The following EML6 variants were observed in gnomAD, a reference collection of about 807,000 sequenced individuals.
EML6 encodes EMAP like 6.
In EML6, 154 loss-of-function variants were observed where a neutral mutation model predicts 240.1. The observed-to-expected ratio is 0.64, with a 90% CI of 0.56 to 0.73. The LOEUF is 0.73. Among genes scored for constraint, EML6 ranks in the 30% least tolerant of loss-of-function variants. EML6 has a pLI of 0.00. For synonymous variants in EML6, 1,148 were observed against 899.0 expected (o/e 1.28, Z -4.95); for missense variants, 2,964 against 2,474.6 (o/e 1.20, Z -4.20).
At chr2:54,962,962 T>G (rs1049597266) in intron 36 of EML6, among the ~76,000 whole-genome samples, 4 of 152,220 alleles carry the variant, frequency 2.6e-5, no homozygotes, top group African/African-American at 7.2e-5. Context: ...AATCATGTTT[T>G]CCCTGGATGA....
At chr2:54,866,726 T>C (rs959682090) in intron 13 of EML6, 40 bp from the exon 14 acceptor site, 2 of 1,222,524 alleles carry the variant, frequency 1.6e-6, no homozygotes, top group African/African-American at 3.0e-5. Flanking sequence ...TGGAACCTGA[T>C]GAAAGGCATC....
In EML6 at chr2:54,771,082, T is replaced by C. The variant is rs566378144; in HGVS notation, c.198-42150T>C. 2.8e-4 allele frequency among the ~76,000 whole-genome samples: 42 copies of C among 152,270 alleles called. No individual in the cohort carries two copies. In the South Asian group the frequency reaches 8.5e-3, roughly 31 times the overall value. ...TGACAATGTCAAGTGGGCAGTTAGA[T>C]GCATGAGTCTTGAGCTCAGTGGCAG... is the stretch of plus-strand genomic sequence containing the variant. On this transcript the variant is annotated intron_variant, in intron 2 of 41. Coordinates refer to ENST00000356458, the MANE Select transcript of EML6 (RefSeq NM_001039753.4).
rs372865367 is a variant in EML6 at position 54,824,399 on chromosome 2, T to A, written c.526-3167T>A. On this transcript the variant is annotated intron_variant, in intron 5 of 41. Coordinates refer to ENST00000356458, the MANE Select transcript of EML6 (RefSeq NM_001039753.4). The stretch of plus-strand genomic sequence containing the variant: ...AATTTTGCTTAGAAATATAATACAT[T>A]TAAGCGGACTTCAAAAAATTATTTT... Among the ~76,000 whole-genome samples, 33 of 152,340 alleles carry A rather than the reference T, an allele frequency of 2.2e-4. No individual in the cohort carries two copies. The East Asian group carries it at 6.2e-3, about 28-fold the overall frequency.
At chr2:54,846,417 A>G (rs7594597) in intron 8 of EML6, among the ~76,000 whole-genome samples, 59,600 of 150,936 alleles carry the variant, frequency 0.39, 12,254 homozygotes, top group East Asian at 0.56. Context: ...ATATTGATCT[A>G]TATATTGAGA....
At chr2:54,737,261 C>G (rs946733127) in intron 2 of EML6, among the ~76,000 whole-genome samples, 1 of 152,150 alleles carries the variant, frequency 6.6e-6, no homozygotes, top group African/African-American at 2.4e-5. Flanking sequence ...GTAACGATGA[C>G]AGCAGCAGCG....
At chr2:54,835,797 G>C (rs1367262788) in intron 7 of EML6, among the ~76,000 whole-genome samples, 1 of 152,134 alleles carries the variant, frequency 6.6e-6, no homozygotes, top group Non-Finnish European at 1.5e-5. Context: ...ATAGAGGCCA[G>C]GGAAGCTGCT....
chr2:54,879,637 C>A lies in EML6; in HGVS notation c.2435C>A (p.Thr812Lys), dbSNP rs975404517. The A allele has an allele frequency of 2.1e-5, 33 of 1,543,280 alleles. No homozygotes were observed. In the East Asian group the frequency reaches 7.6e-4, roughly 35 times the overall value. Reference sequence around the variant, plus strand: ...AAAAAGGGAGAAAAGATAGCCACAACAAGGTAAGAAGCTGCCGGGATCTTA... The same window carrying A: ...AAAAAGGGAGAAAAGATAGCCACAAAAAGGTAAGAAGCTGCCGGGATCTTA... ...DWKKGEKIAT[T>K]RGHKDKIFVV... Residue 812 changes from threonine (T) to lysine (K), a missense_variant, in exon 17 of 42, where the codon ACA (threonine) becomes AAA (lysine). By Grantham distance (78) the Thr-to-Lys change is moderately conservative. Transcript: ENST00000356458.
At chr2:54,955,067 G>T (rs1443762303) in intron 32 of EML6, among the ~76,000 whole-genome samples, 1 of 152,226 alleles carries the variant, frequency 6.6e-6, no homozygotes, top group Non-Finnish European at 1.5e-5. Flanking sequence ...GAGCCTGACA[G>T]CTTGCAGACA....
At chr2:54,775,366 C>A (rs77204007) in intron 2 of EML6, among the ~76,000 whole-genome samples, 120 of 152,088 alleles carry the variant, frequency 7.9e-4, no homozygotes, top group Non-Finnish European at 1.6e-3. Context: ...TCAGATAAAC[C>A]AAGCAAGTGT....
chr2:54,963,716 G>A (rs554837073), intron 36 of EML6, among the ~76,000 whole-genome samples: 1 of 152,352 alleles, frequency 6.6e-6, no homozygotes, highest in South Asian at 2.1e-4. Context: ...AGAGACTATG[G>A]CCCACAGAGT....
intron 25 of EML6, among the ~76,000 whole-genome samples, chr2:54,912,882 G>A (rs1337850815): frequency 1.3e-5 from 2 of 152,142 alleles, no homozygotes; most frequent in South Asian, 2.1e-4. Context: ...GAGTACATGT[G>A]TCTTTTTGGT....
chr2:54,971,590 T>C lies in EML6; in HGVS notation c.*1495T>C, dbSNP rs895917751. On this transcript the variant is annotated 3_prime_UTR_variant, in exon 42 of 42. Transcript: ENST00000356458. Reference sequence around the variant, plus strand: ...GATTAGATCACTCATTAAGCTATTTTTATATGCCAATTTACTAATGCCTTA... The same window carrying C: ...GATTAGATCACTCATTAAGCTATTTCTATATGCCAATTTACTAATGCCTTA... 1.3e-5 allele frequency: 2 copies of C among 152,222 alleles called. No individual in the cohort carries two copies. The highest frequency in any genetic ancestry group is 6.5e-5 in the Admixed American group (1 of 15,292). The allele number at this position is 152,222 out of a possible 1,614,324, so 9.4% of individuals were successfully genotyped here. A position where few individuals can be genotyped will look rare whatever the true frequency, so the allele number is the denominator to read the frequency against.
At chr2:54,825,212 G>A (rs1239424143) in intron 5 of EML6, among the ~76,000 whole-genome samples, 1 of 152,238 alleles carries the variant, frequency 6.6e-6, no homozygotes, top group African/African-American at 2.4e-5. Context: ...GCATGAGGAG[G>A]TGTAAAGAGA....
intron 11 of EML6, among the ~76,000 whole-genome samples, chr2:54,858,098 C>A (rs1475611620): frequency 6.6e-6 from 1 of 152,170 alleles, no homozygotes; most frequent in Non-Finnish European, 1.5e-5. Context: ...CATGAGGTTG[C>A]AGTCATGTGA....
At chr2:54,812,849 C>A (rs1667916840) in intron 2 of EML6, among the ~76,000 whole-genome samples, 2 of 151,652 alleles carry the variant, frequency 1.3e-5, no homozygotes, top group South Asian at 2.1e-4. Flanking sequence ...CCCCTAGTAA[C>A]AACATTTAAA....
chr2:54,844,146 C>T lies in EML6; in HGVS notation c.947C>T (p.Pro316Leu), dbSNP rs764852110. Residue 316 changes from proline (P) to leucine (L), a missense_variant, in exon 8 of 42, where the codon CCG (proline) becomes CTG (leucine). Pro to Leu is a moderately conservative substitution (Grantham distance 98). Transcript: ENST00000356458. ...FEVIVRERDK[P>L]MLILQGHCEG... ...GTGATTGTGCGAGAGCGAGACAAGC[C>T]GATGTTGATCCTACAGGGCCACTGC... The T allele has an allele frequency of 8.8e-5, 137 of 1,551,502 alleles. No homozygotes were observed. The highest frequency in any genetic ancestry group is 1.1e-4 in the African/African-American group (8 of 73,026).
At chr2:54,914,288 A>T (rs796850936) in intron 25 of EML6, among the ~76,000 whole-genome samples, 1 of 152,170 alleles carries the variant, frequency 6.6e-6, no homozygotes, top group Non-Finnish European at 1.5e-5. Context: ...TCTTAACCCA[A>T]AGGCATCTAT....
intron 19 of EML6, among the ~76,000 whole-genome samples, chr2:54,894,273 C>G (rs1343096807): frequency 5.3e-5 from 8 of 150,792 alleles, no homozygotes. Flanking sequence ...CTAGTACAGC[C>G]AAAAAATTAT....
Position 54,813,212 on chromosome 2 carries a change from A to G in EML6, c.198-20A>G. On this transcript the variant is annotated intron_variant, in intron 2 of 41. Coordinates refer to ENST00000356458, the MANE Select transcript of EML6 (RefSeq NM_001039753.4). Reference sequence around the variant, plus strand: ...TTTTCTTCAGTTGGAAGATGTGAAAAGAAACCTTTTCTCTTTCAGCCTTGC... The same window carrying G: ...TTTTCTTCAGTTGGAAGATGTGAAAGGAAACCTTTTCTCTTTCAGCCTTGC... 1 of 1,526,768 alleles carries G rather than the reference A, an allele frequency of 6.5e-7. No individual in the cohort carries two copies. 94.6% of individuals were successfully genotyped at this position (1,526,768 alleles called of 1,614,324 possible). A position where few individuals can be genotyped will look rare whatever the true frequency, so the allele number is the denominator to read the frequency against.
Sources: gnomAD v4.1 joint callset for allele counts (sites outside exome capture counted in the v4.1 genomes callset) on GRCh38, gnomAD v4.1.1 for gene constraint, MANE v1.5 for transcripts, NCBI Gene and HGNC (gene_info 2026-07-23, HGNC 2026-07-21) for gene names.